The following TDRP variants were observed in gnomAD, a reference collection of about 807,000 sequenced individuals.
TDRP encodes testis development-related protein.
Under a neutral mutation model 10.5 loss-of-function variants are expected in TDRP, and 12 were observed. The ratio of observed to expected loss-of-function variants is 1.15; its 90% CI spans 0.73 to 1.86. The LOEUF (loss-of-function observed/expected upper bound fraction) is 1.86, where lower values mean the gene tolerates loss of function less well. Ranked by LOEUF, TDRP falls within the 40% of genes most tolerant of loss-of-function variation. TDRP has a pLI of 0.00. For synonymous variants in TDRP, 139 were observed against 95.4 expected (o/e 1.46, Z -2.67); for missense variants, 353 against 229.2 (o/e 1.54, Z -3.49).
chr8:515,643 G>T (rs1053275322), intron 1 of TDRP, among the ~76,000 whole-genome samples: 24 of 152,198 alleles, frequency 1.6e-4, no homozygotes, highest in African/African-American at 5.1e-4. Flanking sequence ...ACCCACTGAT[G>T]TCAGGAAGAG....
At chr8:520,240 A>G (rs151122924) in intron 1 of TDRP, among the ~76,000 whole-genome samples, 29 of 152,372 alleles carry the variant, frequency 1.9e-4, no homozygotes, top group African/African-American at 6.5e-4. Flanking sequence ...TTCATGAAGC[A>G]TAATATTCTC....
chr8:538,337 G>A (rs947631536), intron 1 of TDRP, among the ~76,000 whole-genome samples: 12 of 152,192 alleles, frequency 7.9e-5, no homozygotes, highest in Admixed American at 1.3e-4. Flanking sequence ...TACTGAGGCT[G>A]GGAAGGACAA....
At chr8:517,365 C>T (rs1454969508) in intron 1 of TDRP, among the ~76,000 whole-genome samples, 1 of 152,160 alleles carries the variant, frequency 6.6e-6, no homozygotes, top group African/African-American at 2.4e-5. Flanking sequence ...AGGTCTTTTC[C>T]TGAACAAGGA....
Position 529,905 on chromosome 8 carries a change from C to A in TDRP, c.108+14745G>T, listed in dbSNP as rs148473090. Reference sequence around the variant, plus strand: ...ATGGAGTCCTTTGAGATTCTTGAATCTGGATGTCCATTTTCTTCCTCATAT... The same window carrying A: ...ATGGAGTCCTTTGAGATTCTTGAATATGGATGTCCATTTTCTTCCTCATAT... On this transcript the variant is annotated intron_variant, in intron 1 of 2. Coordinates refer to ENST00000324079, the MANE Select transcript of TDRP (RefSeq NM_001384899.1). 1.4e-4 allele frequency among the ~76,000 whole-genome samples: 22 copies of A among 152,280 alleles called. No individual in the cohort carries two copies. The East Asian group carries it at 4.0e-3, about 28-fold the overall frequency.
chr8:537,171 G>A (rs1802368382), intron 1 of TDRP, among the ~76,000 whole-genome samples: 1 of 152,216 alleles, frequency 6.6e-6, no homozygotes, highest in Non-Finnish European at 1.5e-5. Context: ...TGAGCCCCAC[G>A]TGGGCCTGGC....
At chr8:540,654 A>G (rs932075154) in intron 1 of TDRP, among the ~76,000 whole-genome samples, 2 of 152,212 alleles carry the variant, frequency 1.3e-5, no homozygotes, top group African/African-American at 4.8e-5. Context: ...ACCAAAAAAA[A>G]GGGCCCATAG....
chr8:506,532 G>C (rs1484991779), intron 1 of TDRP, among the ~76,000 whole-genome samples: 4 of 152,238 alleles, frequency 2.6e-5, no homozygotes. Flanking sequence ...CCGGGAAGGA[G>C]GCGCTGCTGT....
intron 1 of TDRP, among the ~76,000 whole-genome samples, chr8:544,313 C>T (rs993531103): frequency 6.6e-6 from 1 of 151,978 alleles, no homozygotes; most frequent in Non-Finnish European, 1.5e-5. Flanking sequence ...GCACTGCGTC[C>T]CCGCTCTCCT....
At chr8:521,659 A>C (rs1003460393) in intron 1 of TDRP, among the ~76,000 whole-genome samples, 3 of 152,160 alleles carry the variant, frequency 2.0e-5, no homozygotes, top group Non-Finnish European at 4.4e-5. Flanking sequence ...TTCAAGTTGG[A>C]AAGTGTGAGG....
At chr8:508,569 T>C (rs571592108) in intron 1 of TDRP, among the ~76,000 whole-genome samples, 2 of 152,146 alleles carry the variant, frequency 1.3e-5, no homozygotes, top group South Asian at 2.1e-4. Flanking sequence ...ATCACAAGAA[T>C]AGCATGCGGG....
chr8:512,272 A>C (rs562890883), intron 1 of TDRP, among the ~76,000 whole-genome samples: 66 of 148,720 alleles, frequency 4.4e-4, no homozygotes, highest in African/African-American at 1.5e-3. Context: ...AACAACAACA[A>C]CAAAAAAAAA....
chr8:523,145 T>C (rs1801949827), intron 1 of TDRP, among the ~76,000 whole-genome samples: 1 of 152,208 alleles, frequency 6.6e-6, no homozygotes, highest in Admixed American at 6.5e-5. Flanking sequence ...TGAAATGTTT[T>C]TATTCCTTTT....
chr8:514,589 T>C (rs1402236234), intron 1 of TDRP, among the ~76,000 whole-genome samples: 1 of 152,134 alleles, frequency 6.6e-6, no homozygotes. Flanking sequence ...GCTCTGTGTA[T>C]GGAAACACGA....
chr8:535,795 T>TGAG (rs1802332952), intron 1 of TDRP, among the ~76,000 whole-genome samples: 1 of 137,078 alleles, frequency 7.3e-6, no homozygotes, highest in Non-Finnish European at 1.5e-5. Context: ...GAGGCAGGTC[T>TGAG]CAGTGTAGGG....
intron 1 of TDRP, among the ~76,000 whole-genome samples, chr8:497,643 CA>C (rs561547993): frequency 6.6e-6 from 1 of 152,244 alleles, no homozygotes; most frequent in African/African-American, 2.4e-5. Flanking sequence ...CTGCCAGCTG[CA>C]AAAATTTGCA....
At chr8:505,633 C>G (rs1403433556) in intron 1 of TDRP, among the ~76,000 whole-genome samples, 3 of 152,310 alleles carry the variant, frequency 2.0e-5, no homozygotes, top group East Asian at 1.9e-4. Flanking sequence ...GCCACAGCAG[C>G]AGGAACGCAT....
intron 1 of TDRP, among the ~76,000 whole-genome samples, chr8:524,342 C>T (rs942287003): frequency 5.3e-5 from 8 of 152,096 alleles, no homozygotes; most frequent in African/African-American, 1.4e-4. Flanking sequence ...CAAACAAGCC[C>T]AAACTGCATA....
chr8:521,689 T>A (rs1801910085), intron 1 of TDRP, among the ~76,000 whole-genome samples: 1 of 152,176 alleles, frequency 6.6e-6, no homozygotes, highest in African/African-American at 2.4e-5. Flanking sequence ...TTTGTTTTTG[T>A]TTTTTTCTTT....
chr8:514,435 G>A (rs920733976), intron 1 of TDRP, among the ~76,000 whole-genome samples: 2 of 152,184 alleles, frequency 1.3e-5, no homozygotes, highest in African/African-American at 4.8e-5. Context: ...CTTCACACCT[G>A]CCTCCCACCA....
Sources: allele counts gnomAD v4.1 joint callset (sites outside exome capture counted in the v4.1 genomes callset), GRCh38; gene constraint gnomAD v4.1.1; transcripts MANE v1.5; gene names NCBI Gene and HGNC (gene_info 2026-07-23, HGNC 2026-07-21).